Variants in AK2 observed in about 807,000 individuals in gnomAD.
AK2 encodes the protein adenylate kinase 2, mitochondrial.
AK2 carries 15 observed loss-of-function variants against 24.6 expected under a neutral mutation model. The observed-to-expected ratio is 0.61, with a 90% confidence interval of 0.41 to 0.94. The LOEUF (loss-of-function observed/expected upper bound fraction) is 0.94. Among genes scored for constraint, AK2 ranks in the 40% least tolerant of loss-of-function variants. The pLI is 0.00. For synonymous variants in AK2, 102 were observed against 114.0 expected (o/e 0.90, Z 0.67); for missense variants, 257 against 304.1 (o/e 0.85, Z 1.15).
At chr1:33,023,519 C>G (rs549201671) in intron 2 of AK2, among the ~76,000 whole-genome samples, 1 of 151,872 alleles carries the variant, frequency 6.6e-6, no homozygotes, top group Non-Finnish European at 1.5e-5. Flanking sequence ...CCCAGGAGGT[C>G]GAGGCTGTAG....
chr1:33,023,261 C>T (rs997564617), intron 2 of AK2, among the ~76,000 whole-genome samples: 17 of 152,066 alleles, frequency 1.1e-4, no homozygotes, highest in African/African-American at 4.1e-4. Flanking sequence ...GGTCAACTGG[C>T]CTAAAGAAGG....
chr1:33,035,556 G>A (rs973968820), intron 1 of AK2, among the ~76,000 whole-genome samples: 1 of 152,204 alleles, frequency 6.6e-6, no homozygotes, highest in Non-Finnish European at 1.5e-5. Context: ...CAACAGGCAA[G>A]AGCCAGAGGC....
At chr1:33,019,856 G>A in intron 4 of AK2, 1 of 1,275,218 alleles carries the variant, frequency 7.8e-7, no homozygotes, top group African/African-American at 1.5e-5. Flanking sequence ...AGTAAACAAT[G>A]GTTAACCTAC....
chr1:33,011,475 T>C lies in AK2; in HGVS notation c.*1706A>G. The C allele has an allele frequency of 7.0e-6, 9 of 1,287,268 alleles. No individual in the cohort carries two copies. Among genetic ancestry groups the C allele is most frequent in the Non-Finnish European group, 8.1e-6 (8 of 988,748 alleles). 79.7% of individuals were successfully genotyped at this position (1,287,268 alleles called of 1,614,324 possible). A position where few individuals can be genotyped will look rare whatever the true frequency, so the allele number is the denominator to read the frequency against. On this transcript the variant is annotated 3_prime_UTR_variant, in exon 6 of 6. Transcript: ENST00000672715. ...GGACCAGGCAAAGAGGGAAGCAAGG[T>C]GGCCAGGTACTCATGCCCAGTTGCC...
rs1033667183 is a variant in AK2, at chr1:33,012,143, C to G, written c.*1038G>C. ...TCAGCCTGGATGTTCAGAAGACAAT[C>G]TGAATTCAAAAGGACCTTTCACCTG... On this transcript the variant is annotated 3_prime_UTR_variant, in exon 6 of 6. Coordinates refer to ENST00000672715, the MANE Select transcript of AK2 (RefSeq NM_001625.4). 9.8e-6 allele frequency: 15 copies of G among 1,535,468 alleles called. No individual in the cohort carries two copies. The highest frequency in any genetic ancestry group is 1.2e-5 in the Non-Finnish European group (14 of 1,146,726).
In AK2 at chr1:33,009,881, C is replaced by T. The variant is rs776359467; in HGVS notation, c.*3300G>A. 7.9e-5 allele frequency: 36 copies of T among 453,916 alleles called. No individual in the cohort carries two copies. Among genetic ancestry groups the T allele is most frequent in the Non-Finnish European group, 1.5e-4 (34 of 226,704 alleles). 28.1% of individuals were successfully genotyped at this position (453,916 alleles called of 1,614,324 possible). A position where few individuals can be genotyped will look rare whatever the true frequency, so the allele number is the denominator to read the frequency against. On this transcript the variant is annotated 3_prime_UTR_variant, in exon 6 of 6. Transcript: ENST00000672715. ...AGGTCCAGAATTCAATGTCATTTTT[C>T]TAGCTTAGATTATCTAAAAAAAATG...
At chr1:33,026,910 G>C (rs1192917511) in intron 1 of AK2, among the ~76,000 whole-genome samples, 4 of 151,564 alleles carry the variant, frequency 2.6e-5, no homozygotes, top group Non-Finnish European at 4.4e-5. Context: ...TGGATCACCG[G>C]AAGTCAGGAG....
chr1:33,024,221 T>C, intron 2 of AK2: 1 of 626,026 alleles, frequency 1.6e-6, no homozygotes, highest in Non-Finnish European at 2.8e-6. Flanking sequence ...TAAAACACCC[T>C]CTAGCACATG....
At position 33,014,629 on chromosome 1, in the gene AK2, C is replaced by G. The variant is rs779975688; in HGVS notation, c.426-35G>C. On this transcript the variant is annotated intron_variant, in intron 4 of 5. Coordinates refer to ENST00000672715, the MANE Select transcript of AK2 (RefSeq NM_001625.4). The stretch of plus-strand genomic sequence containing the variant: ...AGCAAATGAATATGAGTTAGGTTAA[C>G]TGACAGTACGCGCCTGCACTCCACT... 1.9e-6 allele frequency: 3 copies of G among 1,581,070 alleles called. No individual in the cohort carries two copies. In the South Asian group the frequency reaches 3.3e-5, roughly 17 times the overall value.
At chr1:33,032,069 G>A (rs566477183) in intron 1 of AK2, 32 of 177,136 alleles carry the variant, frequency 1.8e-4, no homozygotes, top group Non-Finnish European at 3.0e-4. Context: ...ACTGAGTTAC[G>A]CAGGTATAAC....
At chr1:33,025,210 AG>A (rs144967711) in intron 1 of AK2, among the ~76,000 whole-genome samples, 17 of 151,398 alleles carry the variant, frequency 1.1e-4, no homozygotes, top group African/African-American at 3.6e-4. Flanking sequence ...AAAAAAAAAA[AG>A]AGAATAAAAA....
chr1:33,014,552 G>A lies in AK2; in HGVS notation c.468C>T (p.Phe156=), dbSNP rs773484833. Reference sequence around the variant, plus strand: ...CTTTCATGGGCTCTTTTGGAGGGTTGAACTCCTCGTGGTAGGAACGGCCAC... The same window carrying A: ...CTTTCATGGGCTCTTTTGGAGGGTTAAACTCCTCGTGGTAGGAACGGCCAC... ...PKSGRSYHEE[F]NPPKEPMKDD... Residue 156 remains phenylalanine (F), a synonymous_variant, in exon 5 of 6, where the codon TTC becomes TTT. Transcript: ENST00000672715. The A allele has an allele frequency of 8.1e-6, 13 of 1,612,568 alleles. No homozygotes were observed. In the South Asian group the frequency reaches 1.2e-4, roughly 15 times the overall value.
intron 1 of AK2, among the ~76,000 whole-genome samples, chr1:33,025,926 G>A (rs1055751950): frequency 2.0e-4 from 30 of 152,312 alleles, no homozygotes; most frequent in Admixed American, 1.4e-3. Context: ...CCTGTCGGGA[G>A]CCTGGGAAAC....
Position 33,036,814 on chromosome 1 carries a change from C to T in AK2, c.15G>A (p.Val5=), listed in dbSNP as rs998424635. 1 of 1,593,526 alleles carries T rather than the reference C, an allele frequency of 6.3e-7. No individual in the cohort carries two copies. The highest frequency in any genetic ancestry group is 8.5e-7 in the Non-Finnish European group (1 of 1,170,900). The change falls in exon 1 of 6, where the codon GTG becomes GTA. Residue 5 remains valine, a synonymous_variant. Transcript: ENST00000672715. Reference sequence around the variant, plus strand: ...TAGGATACTCGGGTTCTGCCGCTGGCACGCTGGGAGCCATGTCCGCCGAAG... The same window carrying T: ...TAGGATACTCGGGTTCTGCCGCTGGTACGCTGGGAGCCATGTCCGCCGAAG... MAPS[V]PAAEPEYPKG... is the part of the protein sequence containing the mutation.
intron 2 of AK2, among the ~76,000 whole-genome samples, chr1:33,022,484 C>G (rs1280242749): frequency 2.0e-5 from 3 of 150,692 alleles, no homozygotes; most frequent in African/African-American, 7.3e-5. Flanking sequence ...GCCTCCCAAA[C>G]AGCTGGGACT....
rs1310416339 is a variant in AK2, at chr1:33,014,555, C to T, written c.465G>A (p.Glu155=). The part of the protein sequence containing the change: ...HPKSGRSYHE[E]FNPPKEPMKD... ...TCATGGGCTCTTTTGGAGGGTTGAACTCCTCGTGGTAGGAACGGCCACTCT... is the reference window on the plus strand; with the variant it reads ...TCATGGGCTCTTTTGGAGGGTTGAATTCCTCGTGGTAGGAACGGCCACTCT... Residue 155 remains glutamate (E), a synonymous_variant, in exon 5 of 6, where the codon GAG becomes GAA. Transcript: ENST00000672715. 1.2e-6 allele frequency: 2 copies of T among 1,612,664 alleles called. No individual in the cohort carries two copies. The highest frequency in any genetic ancestry group is 3.3e-5 in the Admixed American group (2 of 59,934).
intron 1 of AK2, among the ~76,000 whole-genome samples, chr1:33,035,977 A>T (rs1306402231): frequency 2.2e-5 from 3 of 138,592 alleles, no homozygotes; most frequent in South Asian, 2.1e-4. Flanking sequence ...AAAACAAAAT[A>T]AAAAAAAATT....
In AK2 at chr1:33,036,856, G is replaced by A; in HGVS notation, c.-28C>T. On this transcript the variant is annotated 5_prime_UTR_variant, in exon 1 of 6. Transcript: ENST00000672715. ...CCGCCGAAGTCTCTCACTGCCACCA[G>A]TTCGCACGCCTCACAGGTCCAGTGC... 6.4e-7 allele frequency: 1 copy of A among 1,557,650 alleles called. No individual in the cohort carries two copies. The highest frequency in any genetic ancestry group is 1.9e-5 in the Admixed American group (1 of 53,230).
At chr1:33,030,891 AAGG>A (rs1640196060) in intron 1 of AK2, 1 of 152,270 alleles carries the variant, frequency 6.6e-6, no homozygotes, top group Non-Finnish European at 1.5e-5. Flanking sequence ...AAGGGAGCAC[AAGG>A]AGGATTTCAA....
Sources: allele counts gnomAD v4.1 joint callset (sites outside exome capture counted in the v4.1 genomes callset), GRCh38; gene constraint gnomAD v4.1.1; transcripts MANE v1.5; gene names NCBI Gene and HGNC (gene_info 2026-07-23, HGNC 2026-07-21).